Variants in ADGRL1 observed in about 807,000 individuals in gnomAD.
ADGRL1 encodes CIRL-1.
Under a neutral mutation model 148.9 loss-of-function variants are expected in ADGRL1, and 31 were observed. The observed-to-expected ratio is 0.21, with a 90% CI of 0.16 to 0.28. ADGRL1 has a LOEUF of 0.28. ADGRL1 is among the 10% of genes least tolerant of loss of function. The probability of loss-of-function intolerance (pLI) is 1.00; values close to 1 mark genes in which losing one functional copy is unlikely to be tolerated. For missense variants in ADGRL1, 1,521 were observed against 2,058.8 expected (o/e 0.74, Z 5.05); for synonymous variants, 937 against 900.3 (o/e 1.04, Z -0.73).
At position 14,162,757 on chromosome 19, in the gene ADGRL1, G is replaced by A. The variant is rs1385114636; in HGVS notation, c.1044C>T (p.Asn348=). The change falls in exon 5 of 23, where the codon AAC becomes AAT. Residue 348 remains asparagine, a synonymous_variant. Transcript: ENST00000361434. This position sits in a 1 kb window ranked among gnomAD's most constrained non-coding sequence, Gnocchi z 5.4. ...RVDYAFNTNA[N]REEPVSLTFP... ...AGGTGAGGCTGACAGGCTCCTCGCG[G>A]TTGGCATTGGTGTTGAAGGCATAGT... The A allele has an allele frequency of 6.2e-7, 1 of 1,614,076 alleles. No homozygotes were observed. The highest frequency in any genetic ancestry group is 2.2e-5 in the East Asian group (1 of 44,892).
intron 1 of ADGRL1, among the ~76,000 whole-genome samples, chr19:14,195,440 C>T (rs868717882): frequency 8.1e-6 from 1 of 123,758 alleles, no homozygotes; most frequent in Non-Finnish European, 1.6e-5. Context: ...TCTGCGTGCT[C>T]GAGTGGGTGG....
Position 14,160,589 on chromosome 19 carries a change from G to A in ADGRL1, c.1614+4C>T. ...GCCTGCCTGCGAGGGGTGGTGGCTG[G>A]TACCTTCTGGGCCACCTGGTTGACC... On this transcript the variant is annotated splice_donor_region_variant and intron_variant, in intron 7 of 22. Coordinates refer to ENST00000361434, the MANE Select transcript of ADGRL1 (RefSeq NM_014921.5). The surrounding 1 kb of genome is among the most constrained non-coding windows in gnomAD (Gnocchi z 5.9). 1.3e-6 allele frequency: 2 copies of A among 1,597,976 alleles called. No homozygotes were observed. The highest frequency in any genetic ancestry group is 1.7e-6 in the Non-Finnish European group (2 of 1,172,020).
chr19:14,163,505 G>C, intron 4 of ADGRL1, 99 bp from the exon 5 acceptor site: 24 of 814,434 alleles, frequency 2.9e-5, no homozygotes, highest in Non-Finnish European at 4.0e-5. Context: ...AGAGGGGGGA[G>C]AGAGGCAAGT....
intron 3 of ADGRL1, among the ~76,000 whole-genome samples, chr19:14,175,556 TCA>T (rs765699944): frequency 4.0e-5 from 6 of 151,030 alleles, no homozygotes; most frequent in East Asian, 1.9e-4. Flanking sequence ...ACACCCACAT[TCA>T]CACACACATC....
intron 1 of ADGRL1, among the ~76,000 whole-genome samples, chr19:14,198,170 G>T (rs1211589004): frequency 3.3e-5 from 5 of 151,896 alleles, no homozygotes; most frequent in Non-Finnish European, 7.4e-5. Flanking sequence ...GAGGGCGGCT[G>T]GGGAGGGGGG....
Position 14,150,981 on chromosome 19 carries a change from G to C in ADGRL1, c.4302C>G (p.Gly1434=). ...PALVARNPLQ[G]YYQVRRPSHE... is the part of the protein sequence containing the mutation. ...GGCTAGGACGCCGCACCTGGTAGTA[G>C]CCCTGCAGGGGATTCCGGGCCACCA... Residue 1434 remains glycine (G), a synonymous_variant, in exon 23 of 23, where the codon GGC becomes GGG. Coordinates refer to ENST00000361434, the MANE Select transcript of ADGRL1 (RefSeq NM_014921.5). The C allele has an allele frequency of 6.3e-7, 1 of 1,587,558 alleles. No individual in the cohort carries two copies. The highest frequency in any genetic ancestry group is 8.6e-7 in the Non-Finnish European group (1 of 1,167,518).
rs34113726 is a variant in ADGRL1, at chr19:14,176,837, C to CA, written c.284+693dup. Reference sequence around the variant, plus strand: ...CTAGGCAACAGTGAGACCCTATCTTCAAAAAAAAAAAAAGAGTCTGGGATG... The same window carrying CA: ...CTAGGCAACAGTGAGACCCTATCTTCAAAAAAAAAAAAAAGAGTCTGGGATG... On this transcript the variant is annotated intron_variant, in intron 3 of 22. Coordinates refer to ENST00000361434, the MANE Select transcript of ADGRL1 (RefSeq NM_014921.5). 3.3e-3 allele frequency among the ~76,000 whole-genome samples: 446 copies of CA among 136,244 alleles called. 1 individual carries two copies. Among genetic ancestry groups the CA allele is most frequent in the South Asian group, 0.014 (61 of 4,220 alleles). The allele number at this position is 136,244 out of a possible 152,430, so 89.4% of individuals were successfully genotyped here.
intron 11 of ADGRL1, 130 bp from the exon 12 acceptor site, chr19:14,158,682 A>G: frequency 1.4e-6 from 1 of 709,364 alleles, no homozygotes. Context: ...CTCTGAAGCC[A>G]GTCCATAGCC....
Position 14,158,062 on chromosome 19 carries a change from G to A in ADGRL1, c.2365-10C>T. 1 of 1,613,834 alleles carries A rather than the reference G, an allele frequency of 6.2e-7. No homozygotes were observed. Among genetic ancestry groups the A allele is most frequent in the South Asian group, 1.1e-5 (1 of 91,068 alleles). On this transcript the variant is annotated splice_polypyrimidine_tract_variant and intron_variant, in intron 12 of 22. Coordinates refer to ENST00000361434, the MANE Select transcript of ADGRL1 (RefSeq NM_014921.5). ...TGAAGTGGTTCTTGTCCTGTTGTGT[G>A]GTGGCACCAGGGTGTCATAACTAGA...
Position 14,161,376 on chromosome 19 carries a change from C to T in ADGRL1, c.1446G>A (p.Arg482=). The change falls in exon 6 of 23, where the codon CGG becomes CGA. Residue 482 remains arginine, a synonymous_variant. Transcript: ENST00000361434. The surrounding 1 kb of genome is among the most constrained non-coding windows in gnomAD (Gnocchi z 4.4). ...CCTGCTGGGTGGCCGGCCACTGGAC[C>T]CGCCGTACCTCTCGGGGCTCGCAGA... ...ELFCEPREVR[R]VQWPATQQGM... is the part of the protein sequence containing the mutation. 6.3e-7 allele frequency: 1 copy of T among 1,595,274 alleles called. No homozygotes were observed. The highest frequency in any genetic ancestry group is 8.5e-7 in the Non-Finnish European group (1 of 1,172,542).
intron 1 of ADGRL1, among the ~76,000 whole-genome samples, chr19:14,188,284 G>C (rs1442718807): frequency 6.6e-6 from 1 of 152,080 alleles, no homozygotes; most frequent in African/African-American, 2.4e-5. Flanking sequence ...CTGGTAAGGA[G>C]AGCAGTACAC....
At chr19:14,166,989 G>C (rs1047709031) in intron 4 of ADGRL1, 1 of 1,610,390 alleles carries the variant, frequency 6.2e-7, no homozygotes, top group Non-Finnish European at 8.5e-7. Flanking sequence ...GTGAGTTAGG[G>C]GTTAGCATTG....
chr19:14,163,124 C>T lies in ADGRL1; in HGVS notation c.677G>A (p.Arg226His), dbSNP rs751818898. Residue 226 changes from arginine to histidine, a missense_variant, in exon 5 of 23, where the codon CGC (arginine) becomes CAC (histidine). Around this residue, in one of 8 missense-constraint regions of ADGRL1, gnomAD observed 334 missense variants for 512.5 expected, o/e 0.65. Transcript: ENST00000361434. ...CCGTAGGTCATACTTGACGATGTTG[C>T]GCGTGCGCTCCTTGTTGTAGAAGAC... ...GAVFYNKERT[R>H]NIVKYDLRTR... 2.1e-5 allele frequency: 34 copies of T among 1,613,898 alleles called. No individual in the cohort carries two copies. The highest frequency in any genetic ancestry group is 2.7e-5 in the Non-Finnish European group (32 of 1,180,028).
intron 1 of ADGRL1, among the ~76,000 whole-genome samples, chr19:14,198,443 G>A (rs1972404502): frequency 6.6e-6 from 1 of 152,166 alleles, no homozygotes; most frequent in Admixed American, 6.5e-5. Context: ...AGCACTGGCT[G>A]CTTCTGGCCC....
chr19:14,182,362 C>T (rs1340635581), intron 2 of ADGRL1, among the ~76,000 whole-genome samples: 1 of 152,204 alleles, frequency 6.6e-6, no homozygotes, highest in African/African-American at 2.4e-5. Flanking sequence ...CTGCGGGGTG[C>T]TGGAGGGCAG....
intron 1 of ADGRL1, among the ~76,000 whole-genome samples, chr19:14,204,410 C>A (rs1315137245): frequency 2.0e-5 from 3 of 151,834 alleles, no homozygotes; most frequent in Non-Finnish European, 4.4e-5. Flanking sequence ...ATTCAGGGGG[C>A]CAGGCCCTGG....
At chr19:14,163,503 G>T (rs915324043) in intron 4 of ADGRL1, 97 bp from the exon 5 acceptor site, 2 of 810,558 alleles carry the variant, frequency 2.5e-6, no homozygotes, top group Admixed American at 3.0e-5. Flanking sequence ...AGAGAGGGGG[G>T]AGAGAGGCAA....
chr19:14,177,421 C>T, intron 3 of ADGRL1, 110 bp downstream of exon 3: 1 of 990,300 alleles, frequency 1.0e-6, no homozygotes. Flanking sequence ...GCTCAGTAAA[C>T]ATGTGTTGAA....
At position 14,149,092 on chromosome 19, in the gene ADGRL1, G is replaced by C. The variant is rs569731537; in HGVS notation, c.*1781C>G. 1 of 152,722 alleles carries C rather than the reference G, an allele frequency of 6.5e-6. No homozygotes were observed. Among genetic ancestry groups the C allele is most frequent in the East Asian group, 1.9e-4 (1 of 5,172 alleles). The allele number at this position is 152,722 out of a possible 1,614,324, so 9.5% of individuals were successfully genotyped here. A position where few individuals can be genotyped will look rare whatever the true frequency, so the allele number is the denominator to read the frequency against. ...TGGGGAAACGGCAATGCAGGGGCTG[G>C]GCTAGGGTGGCCTGGGGCTATGCTG... On this transcript the variant is annotated 3_prime_UTR_variant, in exon 23 of 23. Transcript: ENST00000361434.
Sources: allele counts gnomAD v4.1 joint callset (sites outside exome capture counted in the v4.1 genomes callset), GRCh38; gene constraint gnomAD v4.1.1; regional missense constraint gnomAD v4.1.1; non-coding constraint Gnocchi (gnomAD v3.1); transcripts MANE v1.5; gene names NCBI Gene and HGNC (gene_info 2026-07-23, HGNC 2026-07-21).